Variants in ANXA4 observed in about 807,000 individuals in gnomAD.
ANXA4 encodes annexin A4.
Under a neutral mutation model 49.8 loss-of-function variants are expected in ANXA4, and 39 were observed. That is an observed-to-expected ratio of 0.78 (90% CI 0.61 to 1.02). The LOEUF (loss-of-function observed/expected upper bound fraction) is 1.02, where lower values mean the gene tolerates loss of function less well. Ranked by LOEUF, ANXA4 falls within the 50% of genes least tolerant of loss-of-function variation. The probability of loss-of-function intolerance (pLI) is 0.00; values close to 1 mark genes in which losing one functional copy is unlikely to be tolerated. For missense variants in ANXA4, 360 were observed against 410.1 expected (o/e 0.88, Z 1.05); for synonymous variants, 134 against 152.5 (o/e 0.88, Z 0.89).
At chr2:69,656,337 A>ATATATG (rs1559046473) in intron 2 of ANXA4, among the ~76,000 whole-genome samples, 1 of 92,994 alleles carries the variant, frequency 1.1e-5, no homozygotes, top group African/African-American at 6.5e-5. Context: ...ATATATGTGT[A>ATATATG]TATATATGTG....
intron 3 of ANXA4, among the ~76,000 whole-genome samples, chr2:69,799,994 CT>C (rs565834199): frequency 4.3e-4 from 66 of 152,310 alleles, no homozygotes; most frequent in African/African-American, 1.5e-3. Context: ...CTGACAGAAG[CT>C]TGTCTTACTG....
intron 12 of ANXA4, among the ~76,000 whole-genome samples, chr2:69,824,013 A>T (rs2103908981): frequency 6.6e-6 from 1 of 152,234 alleles, no homozygotes; most frequent in African/African-American, 2.4e-5. Flanking sequence ...CAGGAGTTCG[A>T]AGCTGCAGTG....
intron 8 of ANXA4, 74 bp from the exon 9 acceptor site, chr2:69,816,027 G>A (rs1673971945): frequency 8.2e-7 from 1 of 1,217,210 alleles, no homozygotes; most frequent in Admixed American, 1.8e-5. Context: ...AGCTCTTTGA[G>A]CTTCTGGAAA....
intron 2 of ANXA4, among the ~76,000 whole-genome samples, chr2:69,696,698 A>T (rs913076209): frequency 2.1e-4 from 32 of 152,226 alleles, no homozygotes; most frequent in Non-Finnish European, 8.8e-5. Context: ...TCCTTGATCC[A>T]TGGGCTACAG....
At chr2:69,650,585 G>A (rs1414785433) in intron 1 of ANXA4, among the ~76,000 whole-genome samples, 3 of 151,938 alleles carry the variant, frequency 2.0e-5, no homozygotes, top group Non-Finnish European at 4.4e-5. Context: ...TCAGCTTCCT[G>A]TATAACTGGT....
rs1406678416 is a variant in ANXA4 at position 69,675,795 on chromosome 2, G to T, written n.766+22513G>T. 3.3e-5 allele frequency among the ~76,000 whole-genome samples: 5 copies of T among 151,864 alleles called. No individual in the cohort carries two copies. In the South Asian group the frequency reaches 8.3e-4, roughly 25 times the overall value. The stretch of plus-strand genomic sequence containing the variant: ...TCCCAGCACTTTGGGAGGCCAAGGC[G>T]GGCAGATCACGAGGTCAGGAGATCA... On this transcript the variant is annotated intron_variant and non_coding_transcript_variant, in intron 2 of 3. Transcript: ENST00000418066.
intron 2 of ANXA4, among the ~76,000 whole-genome samples, chr2:69,663,179 A>G (rs903178241): frequency 6.7e-6 from 1 of 149,344 alleles, no homozygotes; most frequent in African/African-American, 2.5e-5. Context: ...TATTTTTAGT[A>G]GAGACGGGGT....
chr2:69,678,389 C>CTTTTTTTTTTT lies in ANXA4; in HGVS notation n.766+25119_766+25129dup, dbSNP rs150952411. On this transcript the variant is annotated intron_variant and non_coding_transcript_variant, in intron 2 of 3. Coordinates refer to the ANXA4 transcript ENST00000418066. ...ACAAATCTACACTTTCTTTTCTTTT[C>CTTTTTTTTTTT]TTTTTTTTTTTTTTTTTTTTTTGAG... Among the ~76,000 whole-genome samples the CTTTTTTTTTTT allele has an allele frequency of 1.7e-3, 134 of 78,340 alleles. 1 individual carries two copies. Among genetic ancestry groups the CTTTTTTTTTTT allele is most frequent in the African/African-American group, 2.2e-3 (42 of 19,448 alleles). The allele number at this position is 78,340 out of a possible 152,430, so 51.4% of individuals were successfully genotyped here.
At chr2:69,775,990 T>C (rs1290734053) in intron 1 of ANXA4, among the ~76,000 whole-genome samples, 1 of 151,928 alleles carries the variant, frequency 6.6e-6, no homozygotes, top group Non-Finnish European at 1.5e-5. Context: ...TATTTATTTA[T>C]TGAGACAGAG....
chr2:69,772,297 C>G (rs1230380861), intron 1 of ANXA4, among the ~76,000 whole-genome samples: 2 of 152,192 alleles, frequency 1.3e-5, no homozygotes, highest in African/African-American at 4.8e-5. Context: ...CAATGTGCAG[C>G]TTATGGATTG....
intron 2 of ANXA4, among the ~76,000 whole-genome samples, chr2:69,718,593 T>C (rs1048519903): frequency 6.6e-6 from 1 of 152,220 alleles, no homozygotes; most frequent in African/African-American, 2.4e-5. Flanking sequence ...CAGGGCTTTA[T>C]ACCTGCTGCT....
chr2:69,741,508 C>T (rs944188193), upstream of ANXA4, among the ~76,000 whole-genome samples: 13 of 152,234 alleles, frequency 8.5e-5, no homozygotes, highest in African/African-American at 3.1e-4. Context: ...GCTTTCCTGG[C>T]CTGCTGGGCG....
At chr2:69,786,412 CT>C (rs754871791) in intron 2 of ANXA4, among the ~76,000 whole-genome samples, 14 of 152,148 alleles carry the variant, frequency 9.2e-5, no homozygotes, top group Non-Finnish European at 1.9e-4. Flanking sequence ...GTCTCTGCAT[CT>C]CTCTACAGCA....
intron 3 of ANXA4, among the ~76,000 whole-genome samples, chr2:69,723,232 G>T (rs967724876): frequency 6.7e-6 from 1 of 149,700 alleles, no homozygotes; most frequent in Non-Finnish European, 1.5e-5. Flanking sequence ...AAAGATAAGA[G>T]CAAACACCAA....
intron 2 of ANXA4, among the ~76,000 whole-genome samples, chr2:69,714,901 A>T (rs1015372105): frequency 1.3e-5 from 2 of 152,180 alleles, no homozygotes; most frequent in African/African-American, 2.4e-5. Context: ...CTGTTCATGA[A>T]GCCTAACGCA....
chr2:69,662,216 A>T (rs1280741523), intron 2 of ANXA4, among the ~76,000 whole-genome samples: 1 of 152,036 alleles, frequency 6.6e-6, no homozygotes, highest in African/African-American at 2.4e-5. Context: ...AAACTAGAGC[A>T]TCTACACATG....
At chr2:69,647,387 AT>A (rs754846616) in intron 1 of ANXA4, among the ~76,000 whole-genome samples, 52 of 121,790 alleles carry the variant, frequency 4.3e-4, no homozygotes, top group Non-Finnish European at 7.4e-4. Context: ...TTTTATTTTT[AT>A]TTTATTTATT....
chr2:69,729,990 T>G (rs1447234287), intron 3 of ANXA4, among the ~76,000 whole-genome samples: 1 of 152,152 alleles, frequency 6.6e-6, no homozygotes, highest in African/African-American at 2.4e-5. Flanking sequence ...CCTGAGATAT[T>G]CCAGGGTAAC....
At chr2:69,786,933 C>A (rs1672442310) in intron 2 of ANXA4, among the ~76,000 whole-genome samples, 1 of 152,134 alleles carries the variant, frequency 6.6e-6, no homozygotes, top group Non-Finnish European at 1.5e-5. Flanking sequence ...CCATGTTGCC[C>A]AGTCTGGTCT....
Sources: allele counts gnomAD v4.1 joint callset (sites outside exome capture counted in the v4.1 genomes callset), GRCh38; gene constraint gnomAD v4.1.1; transcripts MANE v1.5; gene names NCBI Gene and HGNC (gene_info 2026-07-23, HGNC 2026-07-21).